Variants in SLC24A2 observed in about 807,000 individuals in gnomAD.
The protein encoded by SLC24A2 is solute carrier family 24 member 2.
In SLC24A2, 36 loss-of-function variants were observed where a neutral mutation model predicts 62.0. The ratio of observed to expected loss-of-function variants is 0.58; its 90% CI spans 0.44 to 0.77. SLC24A2 has a LOEUF of 0.77. Among genes scored for constraint, SLC24A2 ranks in the 30% least tolerant of loss-of-function variants. The pLI is 0.00. For missense variants in SLC24A2, 846 were observed against 817.9 expected (o/e 1.03, Z -0.42); for synonymous variants, 358 against 294.0 (o/e 1.22, Z -2.23).
chr9:20,192,497 A>G, the SLC24A2 span, among the ~76,000 whole-genome samples: 17,760 of 152,102 alleles, frequency 0.12, 2,235 homozygotes, highest in East Asian at 0.62. Flanking sequence ...AATCACATGG[A>G]CACTTATTAG....
chr9:19,866,049 G>C, the SLC24A2 span, among the ~76,000 whole-genome samples: 1 of 152,144 alleles, frequency 6.6e-6, no homozygotes, highest in African/African-American at 2.4e-5. Context: ...GATTAGAATG[G>C]ACCTTTCTCA....
the SLC24A2 span, among the ~76,000 whole-genome samples, chr9:20,191,284 T>G: frequency 6.6e-6 from 1 of 152,162 alleles, no homozygotes; most frequent in Non-Finnish European, 1.5e-5. Context: ...GTATGTAGTT[T>G]ATATACTTAC....
the SLC24A2 span, among the ~76,000 whole-genome samples, chr9:19,907,146 T>C: frequency 8.5e-5 from 13 of 152,290 alleles, no homozygotes; most frequent in African/African-American, 3.1e-4. Context: ...GTGGGCTTCA[T>C]CCCTGGGATG....
chr9:19,542,463 C>A (rs764833519), intron 8 of SLC24A2, among the ~76,000 whole-genome samples: 2 of 152,198 alleles, frequency 1.3e-5, no homozygotes, highest in Non-Finnish European at 2.9e-5. Flanking sequence ...CTGGCCAGAA[C>A]TTCCAATACT....
the SLC24A2 span, among the ~76,000 whole-genome samples, chr9:20,291,300 G>A: frequency 6.6e-6 from 1 of 152,072 alleles, no homozygotes; most frequent in African/African-American, 2.4e-5. Context: ...CTTCTGGTTG[G>A]GGAAATCAAG....
At chr9:19,787,523 A>G (rs975193268) in intron 1 of SLC24A2, among the ~76,000 whole-genome samples, 2 of 152,186 alleles carry the variant, frequency 1.3e-5, no homozygotes, top group African/African-American at 2.4e-5. Flanking sequence ...GATTTAACCT[A>G]TCATTTGGAA....
chr9:19,901,715 T>G, the SLC24A2 span, among the ~76,000 whole-genome samples: 1 of 152,170 alleles, frequency 6.6e-6, no homozygotes, highest in Non-Finnish European at 1.5e-5. Context: ...AGCTGGGACA[T>G]GAAGATAATC....
At chr9:20,045,865 G>T in the SLC24A2 span, among the ~76,000 whole-genome samples, 2 of 152,114 alleles carry the variant, frequency 1.3e-5, no homozygotes, top group African/African-American at 4.8e-5. Flanking sequence ...AGGTGTGAGC[G>T]GTCAAGTGTC....
the SLC24A2 span, among the ~76,000 whole-genome samples, chr9:19,913,282 T>G: frequency 6.6e-6 from 1 of 152,132 alleles, no homozygotes; most frequent in Non-Finnish European, 1.5e-5. Context: ...ACCAGTCATT[T>G]TTTTGTTTGC....
chr9:19,688,790 G>A (rs570842571), intron 2 of SLC24A2, among the ~76,000 whole-genome samples: 1 of 152,186 alleles, frequency 6.6e-6, no homozygotes, highest in South Asian at 2.1e-4. Flanking sequence ...CCAGAGGAAT[G>A]CCTCTTATTT....
At chr9:20,277,288 G>A in the SLC24A2 span, among the ~76,000 whole-genome samples, 1 of 152,056 alleles carries the variant, frequency 6.6e-6, no homozygotes, top group African/African-American at 2.4e-5. Flanking sequence ...TACCATCAGA[G>A]TGAACAGGCA....
At chr9:19,553,820 A>C (rs1022128238) in intron 7 of SLC24A2, among the ~76,000 whole-genome samples, 2 of 152,210 alleles carry the variant, frequency 1.3e-5, no homozygotes, top group African/African-American at 4.8e-5. Flanking sequence ...GAAGATTCCA[A>C]AGAATTACTG....
At chr9:19,792,714 A>AT (rs1263963491), upstream of SLC24A2, among the ~76,000 whole-genome samples, 6 of 151,758 alleles carry the variant, frequency 4.0e-5, no homozygotes, top group Admixed American at 3.3e-4. Flanking sequence ...ATCTCAAAAA[A>AT]AAAAGATAGG....
the SLC24A2 span, among the ~76,000 whole-genome samples, chr9:19,902,302 G>T: frequency 6.6e-6 from 1 of 152,088 alleles, no homozygotes; most frequent in African/African-American, 2.4e-5. Flanking sequence ...GGAGGCTTGG[G>T]ATTTTATTTT....
the SLC24A2 span, among the ~76,000 whole-genome samples, chr9:20,108,411 C>T: frequency 4.3e-4 from 66 of 152,136 alleles, 1 homozygote; most frequent in Admixed American, 2.2e-3. Context: ...ATGTTTATTG[C>T]GGCACTATTC....
At chr9:20,274,911 C>G in the SLC24A2 span, among the ~76,000 whole-genome samples, 2 of 152,134 alleles carry the variant, frequency 1.3e-5, no homozygotes, top group African/African-American at 4.8e-5. Flanking sequence ...CAGCCACTGT[C>G]TAGCCGGAAG....
chr9:19,917,193 T>G, the SLC24A2 span, among the ~76,000 whole-genome samples: 122 of 151,596 alleles, frequency 8.0e-4, 1 homozygote, highest in Middle Eastern at 0.01. Context: ...AGGTTTTGTT[T>G]TGTTTTGATC....
rs559887868 is a variant in SLC24A2 at position 19,574,427 on chromosome 9, T to C, written c.1229-958A>G. ...ATCAGACAGGCCTGGCTTCATATTC[T>C]GGATCTACAACTTGTGCTGTTTCAC... On this transcript the variant is annotated intron_variant, in intron 6 of 10. Transcript: ENST00000341998. 2.1e-4 allele frequency among the ~76,000 whole-genome samples: 32 copies of C among 152,270 alleles called. 1 individual carries two copies. Among genetic ancestry groups the C allele is most frequent in the African/African-American group, 7.2e-4 (30 of 41,564 alleles).
chr9:20,101,189 C>T, the SLC24A2 span, among the ~76,000 whole-genome samples: 1 of 152,222 alleles, frequency 6.6e-6, no homozygotes, highest in African/African-American at 2.4e-5. Context: ...AGTGACTTCT[C>T]ATCTGCTTTT....
Sources: gnomAD v4.1 joint callset for allele counts (sites outside exome capture counted in the v4.1 genomes callset) on GRCh38, gnomAD v4.1.1 for gene constraint, MANE v1.5 for transcripts, NCBI Gene and HGNC (gene_info 2026-07-23, HGNC 2026-07-21) for gene names.